MAML2: variants seen among roughly 807,000 people sequenced by gnomAD.
MAML2 encodes the protein mastermind-like protein 2.
MAML2 carries 22 observed loss-of-function variants against 96.1 expected under a neutral mutation model. The ratio of observed to expected loss-of-function variants is 0.23; its 90% CI spans 0.16 to 0.33. The LOEUF is 0.33. Ranked by LOEUF, MAML2 falls within the 10% of genes least tolerant of loss-of-function variation. MAML2 has a pLI of 1.00. For missense variants in MAML2, 1,367 were observed against 1,392.4 expected (o/e 0.98, Z 0.29); for synonymous variants, 561 against 521.3 (o/e 1.08, Z -1.04).
intron 1 of MAML2, among the ~76,000 whole-genome samples, chr11:96,161,040 T>C (rs1480867731): frequency 2.0e-5 from 3 of 152,338 alleles, no homozygotes; most frequent in Non-Finnish European, 1.5e-5. Context: ...GTGACCTCAA[T>C]TTCTGCCAGG....
At chr11:96,024,660 T>C (rs1858487125) in intron 2 of MAML2, among the ~76,000 whole-genome samples, 1 of 152,228 alleles carries the variant, frequency 6.6e-6, no homozygotes, top group Admixed American at 6.5e-5. Flanking sequence ...CCATTATCTG[T>C]GGCAGTTATG....
At chr11:96,150,576 T>TA (rs1361139469) in intron 1 of MAML2, among the ~76,000 whole-genome samples, 1 of 152,104 alleles carries the variant, frequency 6.6e-6, no homozygotes, top group Non-Finnish European at 1.5e-5. Flanking sequence ...TAGTTCAGGA[T>TA]GATGAGAGCA....
intron 1 of MAML2, among the ~76,000 whole-genome samples, chr11:96,109,458 A>T (rs1326611683): frequency 6.6e-6 from 1 of 152,198 alleles, no homozygotes; most frequent in Non-Finnish European, 1.5e-5. Context: ...AAGATGGATG[A>T]GGTGTCAGCA....
At chr11:96,330,920 C>A (rs951248641) in intron 1 of MAML2, among the ~76,000 whole-genome samples, 1 of 152,034 alleles carries the variant, frequency 6.6e-6, no homozygotes, top group Non-Finnish European at 1.5e-5. Flanking sequence ...CCAGGAGTGG[C>A]AAAGTTACAT....
chr11:96,108,051 G>T (rs980896498), intron 1 of MAML2, among the ~76,000 whole-genome samples: 3 of 152,204 alleles, frequency 2.0e-5, no homozygotes, highest in African/African-American at 7.2e-5. Flanking sequence ...TTTATAGCTT[G>T]TCGGTCAGAA....
At chr11:96,319,496 CAA>C (rs1863674998) in intron 1 of MAML2, among the ~76,000 whole-genome samples, 1 of 152,202 alleles carries the variant, frequency 6.6e-6, no homozygotes, top group Non-Finnish European at 1.5e-5. Flanking sequence ...ATCTTCTGAA[CAA>C]AAAGTCATGC....
intron 1 of MAML2, among the ~76,000 whole-genome samples, chr11:96,139,437 AC>A (rs140072580): frequency 0.098 from 14,838 of 151,074 alleles, 992 homozygotes; most frequent in Non-Finnish European, 0.15. Context: ...AGATCCCACC[AC>A]TGCACTCCAG....
chr11:95,989,719 G>A (rs1013054454), intron 3 of MAML2, among the ~76,000 whole-genome samples: 1 of 152,148 alleles, frequency 6.6e-6, no homozygotes. Context: ...AACCAGTTGT[G>A]TCACTTTGTG....
chr11:96,230,824 A>T (rs1385415576), intron 1 of MAML2, among the ~76,000 whole-genome samples: 1 of 152,262 alleles, frequency 6.6e-6, no homozygotes, highest in Non-Finnish European at 1.5e-5. Context: ...TGTCTCGCTA[A>T]TTAAAACTCT....
intron 1 of MAML2, among the ~76,000 whole-genome samples, chr11:96,220,367 C>G (rs986267417): frequency 3.3e-5 from 5 of 152,142 alleles, no homozygotes; most frequent in Admixed American, 1.3e-4. Context: ...TTTCAACTGC[C>G]TTAGAGATTT....
intron 1 of MAML2, among the ~76,000 whole-genome samples, chr11:96,253,599 C>T (rs1308257370): frequency 1.3e-5 from 2 of 152,298 alleles, no homozygotes; most frequent in South Asian, 2.1e-4. Flanking sequence ...TGACAGAGAT[C>T]GACCACTAAA....
intron 2 of MAML2, among the ~76,000 whole-genome samples, chr11:96,045,847 T>C (rs908366113): frequency 4.6e-5 from 7 of 151,040 alleles, no homozygotes; most frequent in East Asian, 1.9e-4. Context: ...GGATTTTTTT[T>C]CCCTCGTAAC....
At chr11:96,180,199 T>G (rs1263861081) in intron 1 of MAML2, among the ~76,000 whole-genome samples, 1 of 152,064 alleles carries the variant, frequency 6.6e-6, no homozygotes, top group Non-Finnish European at 1.5e-5. Flanking sequence ...TGGATGGTGT[T>G]TTTCTAAAGG....
chr11:96,234,374 GGGA>G (rs1862338301), intron 1 of MAML2, among the ~76,000 whole-genome samples: 1 of 152,186 alleles, frequency 6.6e-6, no homozygotes, highest in South Asian at 2.1e-4. Context: ...CCAGCTACTT[GGGA>G]GGAGGAGGCA....
intron 1 of MAML2, among the ~76,000 whole-genome samples, chr11:96,199,154 G>A (rs1266430): frequency 0.13 from 17,885 of 138,802 alleles, 1,158 homozygotes; most frequent in East Asian, 0.26. Context: ...CCAAAATGGC[G>A]CCACTGCACT....
chr11:96,197,641 A>T (rs769619716), intron 1 of MAML2, among the ~76,000 whole-genome samples: 4 of 152,186 alleles, frequency 2.6e-5, no homozygotes, highest in Non-Finnish European at 4.4e-5. Flanking sequence ...CAACATTATG[A>T]TCAGTCACCT....
At chr11:96,269,411 C>G (rs1862881775) in intron 1 of MAML2, among the ~76,000 whole-genome samples, 1 of 144,674 alleles carries the variant, frequency 6.9e-6, no homozygotes, top group African/African-American at 2.7e-5. Context: ...ACTGAAGGGA[C>G]CAAGGCTATT....
intron 1 of MAML2, among the ~76,000 whole-genome samples, chr11:96,204,947 T>C (rs1394307368): frequency 6.6e-6 from 1 of 152,246 alleles, no homozygotes; most frequent in African/African-American, 2.4e-5. Context: ...CCTCTTGAAA[T>C]TGGCATCAGT....
At chr11:96,314,737 T>C (rs1299838633) in intron 1 of MAML2, among the ~76,000 whole-genome samples, 4 of 152,198 alleles carry the variant, frequency 2.6e-5, no homozygotes, top group South Asian at 4.1e-4. Flanking sequence ...GAAGATAATA[T>C]AGACTCATTT....
Sources: allele counts gnomAD v4.1 joint callset (sites outside exome capture counted in the v4.1 genomes callset), GRCh38; gene constraint gnomAD v4.1.1; transcripts MANE v1.5; gene names NCBI Gene and HGNC (gene_info 2026-07-23, HGNC 2026-07-21).